The following ADAMTS17 variants were observed in gnomAD, a reference collection of about 807,000 sequenced individuals.
ADAMTS17 encodes the protein ADAM metallopeptidase with thrombospondin type 1 motif 17.
A neutral mutation model predicts 141.5 loss-of-function variants in ADAMTS17; 113 were observed. The ratio of observed to expected loss-of-function variants is 0.80; its 90% CI spans 0.69 to 0.93. The LOEUF (loss-of-function observed/expected upper bound fraction) is 0.93. Among genes scored for constraint, ADAMTS17 ranks in the 40% least tolerant of loss-of-function variants. The pLI is 0.00. For synonymous variants in ADAMTS17, 768 were observed against 630.6 expected (o/e 1.22, Z -3.27); for missense variants, 1,659 against 1,517.9 (o/e 1.09, Z -1.54).
chr15:100,175,719 C>T (rs1405746237), intron 8 of ADAMTS17, among the ~76,000 whole-genome samples: 1 of 152,038 alleles, frequency 6.6e-6, no homozygotes, highest in East Asian at 1.9e-4. Flanking sequence ...TCTCACCCTT[C>T]CTCAAATCTC....
chr15:100,265,678 C>T (rs75954326), intron 4 of ADAMTS17, among the ~76,000 whole-genome samples: 2 of 152,140 alleles, frequency 1.3e-5, no homozygotes, highest in Non-Finnish European at 2.9e-5. Context: ...GCACCACCTA[C>T]CTGTGTGACC....
At chr15:100,232,027 A>G (rs2042499051) in intron 7 of ADAMTS17, among the ~76,000 whole-genome samples, 1 of 152,176 alleles carries the variant, frequency 6.6e-6, no homozygotes, top group African/African-American at 2.4e-5. Context: ...GAGTAACAAA[A>G]ATGAATCACG....
intron 8 of ADAMTS17, among the ~76,000 whole-genome samples, chr15:100,170,123 T>C (rs1028776106): frequency 6.6e-6 from 1 of 151,976 alleles, no homozygotes; most frequent in Non-Finnish European, 1.5e-5. Context: ...CAAGTCCACA[T>C]GGGCTTGGGA....
chr15:99,997,048 C>T lies in ADAMTS17; in HGVS notation c.2796+337G>A, dbSNP rs1031899442. 6.6e-6 allele frequency among the ~76,000 whole-genome samples: 1 copy of T among 152,148 alleles called. No individual in the cohort carries two copies. The highest frequency in any genetic ancestry group is 2.4e-5 in the African/African-American group (1 of 41,440). On this transcript the variant is annotated intron_variant, in intron 19 of 21. Transcript: ENST00000268070. The surrounding 1 kb of genome is among the most constrained non-coding windows in gnomAD (Gnocchi z 4.7). Reference sequence around the variant, plus strand: ...AAAGGCAAACCTTTGAAACCACCTTCCCAGCCTGAGCACACCACAGTTAAA... The same window carrying T: ...AAAGGCAAACCTTTGAAACCACCTTTCCAGCCTGAGCACACCACAGTTAAA...
intron 15 of ADAMTS17, among the ~76,000 whole-genome samples, chr15:100,087,969 A>G (rs541346693): frequency 1.2e-4 from 18 of 152,212 alleles, no homozygotes; most frequent in South Asian, 4.1e-4. Context: ...ATTCAACACA[A>G]TGTTTGAAGT....
At chr15:100,320,556 A>C (rs1261424095) in intron 3 of ADAMTS17, among the ~76,000 whole-genome samples, 5 of 152,218 alleles carry the variant, frequency 3.3e-5, no homozygotes, top group Non-Finnish European at 1.5e-5. Context: ...GCGGAGGCTG[A>C]ACACCATGGC....
intron 14 of ADAMTS17, among the ~76,000 whole-genome samples, chr15:100,101,558 T>A (rs1402733983): frequency 6.6e-6 from 1 of 152,230 alleles, no homozygotes; most frequent in Admixed American, 6.5e-5. Context: ...GTATGTGTCA[T>A]CTCCCTAACG....
At chr15:100,149,753 C>T (rs553382539) in intron 10 of ADAMTS17, among the ~76,000 whole-genome samples, 6 of 152,208 alleles carry the variant, frequency 3.9e-5, no homozygotes, top group African/African-American at 1.4e-4. Flanking sequence ...GGTGTGCTCT[C>T]ACCATTGCTC....
chr15:100,296,625 A>C (rs908269337), intron 3 of ADAMTS17, among the ~76,000 whole-genome samples: 1 of 150,738 alleles, frequency 6.6e-6, no homozygotes, highest in Admixed American at 6.7e-5. Context: ...GTGCGCATGC[A>C]CGCGCACGTG....
intron 8 of ADAMTS17, among the ~76,000 whole-genome samples, chr15:100,171,594 T>C (rs2040163170): frequency 6.6e-6 from 1 of 152,162 alleles, no homozygotes; most frequent in African/African-American, 2.4e-5. Flanking sequence ...GCAGGTCCCA[T>C]CCTTCCTGCA....
intron 7 of ADAMTS17, among the ~76,000 whole-genome samples, chr15:100,214,488 T>C (rs987051514): frequency 2.7e-5 from 4 of 150,276 alleles, no homozygotes; most frequent in African/African-American, 9.8e-5. Context: ...AATTATGTAA[T>C]TGTGGTAATT....
chr15:100,053,876 T>A (rs2032337732), intron 16 of ADAMTS17, 21 bp downstream of exon 16: 2 of 1,613,810 alleles, frequency 1.2e-6, no homozygotes, highest in African/African-American at 2.7e-5. Flanking sequence ...CTAAGACAAG[T>A]GTGGAAGCCC....
chr15:100,112,320 C>T (rs1224208050), intron 13 of ADAMTS17, among the ~76,000 whole-genome samples: 1 of 152,158 alleles, frequency 6.6e-6, no homozygotes, highest in African/African-American at 2.4e-5. Flanking sequence ...GACACTCAGG[C>T]TCCAGAACAG....
In ADAMTS17 at chr15:99,991,943, G is replaced by A. The variant is rs1041472515; in HGVS notation, c.2949+1105C>T. 2.0e-5 allele frequency among the ~76,000 whole-genome samples: 3 copies of A among 151,992 alleles called. No individual in the cohort carries two copies. The South Asian group carries it at 6.2e-4, about 32-fold the overall frequency. On this transcript the variant is annotated intron_variant, in intron 20 of 21. Transcript: ENST00000268070. ...AGGAACAGAAAATCAAACACTGCAT[G>A]TTCTTACTCATAAGTGGGAGGTGAG...
At chr15:100,024,811 C>G (rs994375302) in intron 18 of ADAMTS17, among the ~76,000 whole-genome samples, 29 of 152,304 alleles carry the variant, frequency 1.9e-4, no homozygotes, top group African/African-American at 7.0e-4. Flanking sequence ...CACTCCCCTG[C>G]TTTGGATGTT....
chr15:100,318,833 C>T lies in ADAMTS17; in HGVS notation c.616+12056G>A, dbSNP rs138746067. 1.7e-3 allele frequency among the ~76,000 whole-genome samples: 254 copies of T among 152,318 alleles called. 1 individual carries two copies. The highest frequency in any genetic ancestry group is 5.7e-3 in the African/African-American group (236 of 41,570). On this transcript the variant is annotated intron_variant, in intron 3 of 21. Coordinates refer to ENST00000268070, the MANE Select transcript of ADAMTS17 (RefSeq NM_139057.4). ...GAAGGGCCAATGTTAACCTACAACA[C>T]GGAGATGGGGGAATCTGGCCAGGAC... is the stretch of plus-strand genomic sequence containing the variant.
intron 3 of ADAMTS17, among the ~76,000 whole-genome samples, chr15:100,295,400 TGAG>T (rs2142147525): frequency 6.6e-6 from 1 of 152,136 alleles, no homozygotes; most frequent in African/African-American, 2.4e-5. Context: ...AGGCAGGAGG[TGAG>T]GAGATGGGGT....
chr15:100,082,632 ATC>A (rs1389292775), intron 15 of ADAMTS17, among the ~76,000 whole-genome samples: 4 of 150,698 alleles, frequency 2.7e-5, no homozygotes, highest in Non-Finnish European at 5.9e-5. Context: ...AATTTTTGAG[ATC>A]TCTTTTTTGT....
intron 20 of ADAMTS17, among the ~76,000 whole-genome samples, chr15:99,977,398 ATAATTTTTTTTTTT>A (rs2060381967): frequency 4.4e-4 from 2 of 4,542 alleles, no homozygotes; most frequent in African/African-American, 1.3e-3. Flanking sequence ...ATATATATAT[ATAATTTTTTTTTTT>A]TTTTTTTTTT....
Sources: allele counts gnomAD v4.1 joint callset (sites outside exome capture counted in the v4.1 genomes callset), GRCh38; gene constraint gnomAD v4.1.1; non-coding constraint Gnocchi (gnomAD v3.1); transcripts MANE v1.5; gene names NCBI Gene and HGNC (gene_info 2026-07-23, HGNC 2026-07-21).